ASPSCR1: variants seen among roughly 807,000 people sequenced by gnomAD.
The protein encoded by ASPSCR1 is tether containing UBX domain for GLUT4.
In ASPSCR1, 55 loss-of-function variants were observed where a neutral mutation model predicts 68.9. That is an observed-to-expected ratio of 0.80 (90% CI 0.64 to 1.00). The LOEUF is 1.00. ASPSCR1 is among the 50% of genes least tolerant of loss of function. The probability of loss-of-function intolerance (pLI) is 0.00; values close to 1 mark genes in which losing one functional copy is unlikely to be tolerated. For missense variants in ASPSCR1, 765 were observed against 762.2 expected, an observed-to-expected ratio of 1.00 and a Z score of -0.04; for synonymous variants, 352 against 332.6, an observed-to-expected ratio of 1.06 and a Z score of -0.63.
intron 11 of ASPSCR1, 141 bp from the exon 12 acceptor site, chr17:82,012,090 T>C: frequency 1.1e-5 from 11 of 1,012,728 alleles, no homozygotes; most frequent in Non-Finnish European, 1.7e-5. Flanking sequence ...GCAGCAGGAG[T>C]GTGGGCACAG....
Position 81,987,115 on chromosome 17 carries a change from C to T in ASPSCR1, c.374+1508C>T, listed in dbSNP as rs2042019660. On this transcript the variant is annotated intron_variant, in intron 4 of 15. Coordinates refer to ENST00000306739, the MANE Select transcript of ASPSCR1 (RefSeq NM_024083.4). The surrounding 1 kb of genome is among the most constrained non-coding windows in gnomAD (Gnocchi z 5.6). ...AAGCGAAGCCACGGGCAGGGGTGAG[C>T]GGGACCCGAGGCAGGAGGTGACAGA... Among the ~76,000 whole-genome samples the T allele has an allele frequency of 6.8e-6, 1 of 148,030 alleles. No homozygotes were observed. Among genetic ancestry groups the T allele is most frequent in the South Asian group, 2.1e-4 (1 of 4,722 alleles).
In ASPSCR1 at chr17:81,996,553, C is replaced by G; in HGVS notation, c.640C>G (p.Arg214Gly). 1 of 1,612,914 alleles carries G rather than the reference C, an allele frequency of 6.2e-7. No homozygotes were observed. The highest frequency in any genetic ancestry group is 8.5e-7 in the Non-Finnish European group (1 of 1,179,616). The change falls in exon 7 of 16, where the codon CGT becomes GGT. Residue 214 changes from arginine to glycine, a missense_variant. Coordinates refer to ENST00000306739, the MANE Select transcript of ASPSCR1 (RefSeq NM_024083.4). The stretch of plus-strand genomic sequence containing the variant: ...GGAGCTCAGCCGCGGCGACTTGAGC[C>G]GTCCGGAGGACGCGGACACCTCAGG... ...SGELSRGDLSRPEDADTSGPC... is the reference protein window; with the variant it reads ...SGELSRGDLSGPEDADTSGPC...
In ASPSCR1 at chr17:81,983,640, C is replaced by G; in HGVS notation, c.245C>G (p.Ser82Cys). 1 of 1,613,040 alleles carries G rather than the reference C, an allele frequency of 6.2e-7. No homozygotes were observed. Among genetic ancestry groups the G allele is most frequent in the Non-Finnish European group, 8.5e-7 (1 of 1,179,796 alleles). ...NNAKLEMVPA[S>C]RSREGPENMV... ...GCCAAGCTGGAGATGGTGCCCGCTT[C>G]CCGGAGCCGTGAGGGGCCTGAGAAC... The change falls in exon 3 of 16, where the codon TCC becomes TGC. Residue 82 changes from serine (S) to cysteine (C), a missense_variant. Physicochemically the swap from Ser to Cys is moderately radical, Grantham distance 112 (BLOSUM62 -1). Coordinates refer to ENST00000306739, the MANE Select transcript of ASPSCR1 (RefSeq NM_024083.4). The surrounding 1 kb of genome is among the most constrained non-coding windows in gnomAD (Gnocchi z 4.4).
intron 13 of ASPSCR1, 50 bp downstream of exon 13, chr17:82,016,577 T>C: frequency 6.5e-7 from 1 of 1,547,946 alleles, no homozygotes; most frequent in Non-Finnish European, 8.7e-7. Context: ...AGCCTGTCCC[T>C]GGACCTCAGA....
At chr17:82,004,171 C>A (rs1419778534) in intron 7 of ASPSCR1, among the ~76,000 whole-genome samples, 2 of 152,232 alleles carry the variant, frequency 1.3e-5, no homozygotes. Flanking sequence ...GGCGCCCTCA[C>A]CCTGCAGCCC....
At chr17:81,984,909 C>A in intron 3 of ASPSCR1, among the ~76,000 whole-genome samples, 1 of 122,388 alleles carries the variant, frequency 8.2e-6, no homozygotes, top group Non-Finnish European at 1.7e-5. Context: ...ACACACACCC[C>A]TACAGCAACG....
chr17:81,984,466 A>G (rs1352084442), intron 3 of ASPSCR1, among the ~76,000 whole-genome samples: 2 of 151,886 alleles, frequency 1.3e-5, no homozygotes. Context: ...AGTCCCAGCT[A>G]CTCAGCAGGC....
Position 81,977,830 on chromosome 17 carries a change from G to A in ASPSCR1, c.102+82G>A. 2.8e-6 allele frequency: 3 copies of A among 1,072,054 alleles called. No individual in the cohort carries two copies. The highest frequency in any genetic ancestry group is 3.7e-5 in the East Asian group (1 of 27,212). The allele number at this position is 1,072,054 out of a possible 1,614,324, so 66.4% of individuals were successfully genotyped here. A position where few individuals can be genotyped will look rare whatever the true frequency, so the allele number is the denominator to read the frequency against. ...CCCCGCCCATTGCGGTCGGCGTCCC[G>A]GTGTTCGGGGGCGGGGCCTCGGCGG... is the stretch of plus-strand genomic sequence containing the variant. On this transcript the variant is annotated intron_variant, in intron 1 of 15. Transcript: ENST00000306739. This position sits in a 1 kb window ranked among gnomAD's most constrained non-coding sequence, Gnocchi z 5.0.
intron 13 of ASPSCR1, 23 bp from the exon 14 acceptor site, chr17:82,016,777 G>T (rs1184554678): frequency 1.4e-5 from 22 of 1,604,556 alleles, no homozygotes; most frequent in Non-Finnish European, 1.7e-5. Context: ...AGAGGCTCAG[G>T]GTGAGCTTGG....
chr17:82,000,491 C>G (rs1315006805), intron 7 of ASPSCR1, among the ~76,000 whole-genome samples: 1 of 152,138 alleles, frequency 6.6e-6, no homozygotes, highest in Non-Finnish European at 1.5e-5. Flanking sequence ...GGGCCACATG[C>G]CGCTGCTGGG....
At chr17:81,979,119 C>T in intron 1 of ASPSCR1, 65 bp from the exon 2 acceptor site, 1 of 1,566,216 alleles carries the variant, frequency 6.4e-7, no homozygotes, top group Non-Finnish European at 8.8e-7. Flanking sequence ...CTTGGCTGAC[C>T]TGGCCCACTG....
intron 12 of ASPSCR1, chr17:82,016,203 T>C: frequency 2.0e-6 from 1 of 512,802 alleles, no homozygotes; most frequent in Non-Finnish European, 3.5e-6. Flanking sequence ...ACGGTGATGC[T>C]GCATGGCTTG....
chr17:82,012,107 C>T, intron 11 of ASPSCR1, 124 bp from the exon 12 acceptor site: 1 of 1,174,994 alleles, frequency 8.5e-7, no homozygotes, highest in Non-Finnish European at 1.3e-6. Context: ...ACAGGGCGTG[C>T]TCGTGAGGGG....
chr17:81,997,099 C>T lies in ASPSCR1; in HGVS notation c.933+253C>T, dbSNP rs575964845. ...GGCTGTGTCTGCTCCGGGATGAGGC[C>T]GTGTCCGCTCCGGGATGAGGCCGTG... On this transcript the variant is annotated intron_variant, in intron 7 of 15. Coordinates refer to ENST00000306739, the MANE Select transcript of ASPSCR1 (RefSeq NM_024083.4). 5.3e-5 allele frequency among the ~76,000 whole-genome samples: 8 copies of T among 150,460 alleles called. No individual in the cohort carries two copies. The East Asian group carries it at 7.7e-4, about 15-fold the overall frequency.
At chr17:82,011,349 G>A (rs2042934278) in intron 10 of ASPSCR1, among the ~76,000 whole-genome samples, 194 bp from the exon 11 acceptor site, 1 of 152,176 alleles carries the variant, frequency 6.6e-6, no homozygotes, top group Non-Finnish European at 1.5e-5. Flanking sequence ...TCTCCAGCAG[G>A]GCGGGGGTCC....
intron 4 of ASPSCR1, among the ~76,000 whole-genome samples, chr17:81,989,849 G>A (rs1052259299): frequency 6.6e-6 from 1 of 152,198 alleles, no homozygotes; most frequent in Non-Finnish European, 1.5e-5. Flanking sequence ...GTGCAGTGGT[G>A]CGATCTTGGC....
At position 82,009,621 on chromosome 17, in the gene ASPSCR1, G is replaced by A. The variant is rs929416515; in HGVS notation, c.1170+54G>A. On this transcript the variant is annotated intron_variant, in intron 9 of 15. Transcript: ENST00000306739. The stretch of plus-strand genomic sequence containing the variant: ...AGGCACAGCTCTGAGGGGGCCCCCC[G>A]TGAGGTCTGTGGACGGGATGGGGCG... 7.2e-5 allele frequency: 22 copies of A among 303,720 alleles called. No homozygotes were observed. In the African/African-American group the frequency reaches 9.9e-4, roughly 14 times the overall value. 18.8% of individuals were successfully genotyped at this position (303,720 alleles called of 1,614,324 possible).
chr17:81,993,425 G>T (rs2042236173), intron 4 of ASPSCR1, among the ~76,000 whole-genome samples: 1 of 152,150 alleles, frequency 6.6e-6, no homozygotes, highest in Non-Finnish European at 1.5e-5. Flanking sequence ...GTGTTAGCCA[G>T]GATGGTCTCG....
Position 81,977,880 on chromosome 17 carries a change from G to T in ASPSCR1, c.102+132G>T. On this transcript the variant is annotated intron_variant, in intron 1 of 15. Coordinates refer to ENST00000306739, the MANE Select transcript of ASPSCR1 (RefSeq NM_024083.4). The surrounding 1 kb of genome is among the most constrained non-coding windows in gnomAD (Gnocchi z 5.0). The stretch of plus-strand genomic sequence containing the variant: ...GCCAATGAGCGGCCTCCTGAGCGGC[G>T]GCCCCGCCCCCTGCTCGCCGTCACC... The T allele has an allele frequency of 1.6e-6, 1 of 606,646 alleles. No individual in the cohort carries two copies. The highest frequency in any genetic ancestry group is 2.3e-6 in the Non-Finnish European group (1 of 433,958). 37.6% of individuals were successfully genotyped at this position (606,646 alleles called of 1,614,324 possible). A position where few individuals can be genotyped will look rare whatever the true frequency, so the allele number is the denominator to read the frequency against.
Sources: gnomAD v4.1 joint callset for allele counts (sites outside exome capture counted in the v4.1 genomes callset) on GRCh38, gnomAD v4.1.1 for gene constraint, Gnocchi (gnomAD v3.1) non-coding constraint, MANE v1.5 for transcripts, NCBI Gene and HGNC (gene_info 2026-07-23, HGNC 2026-07-21) for gene names.